BRINP3: variants seen among roughly 807,000 people sequenced by gnomAD.
BRINP3 encodes the protein BMP/retinoic acid-inducible neural-specific protein 3.
Under a neutral mutation model 71.0 loss-of-function variants are expected in BRINP3, and 19 were observed. That is an observed-to-expected ratio of 0.27 (90% CI 0.19 to 0.39). BRINP3 has a LOEUF of 0.39. BRINP3 is among the 10% of genes least tolerant of loss of function. The pLI is 1.00. For missense variants in BRINP3, 959 were observed against 940.8 expected (o/e 1.02, Z -0.25); for synonymous variants, 380 against 337.7 (o/e 1.13, Z -1.37).
chr1:190,405,507 G>T (rs944781848), intron 2 of BRINP3, among the ~76,000 whole-genome samples: 2 of 118,928 alleles, frequency 1.7e-5, no homozygotes, highest in African/African-American at 3.1e-5. Context: ...AATCAGAAGC[G>T]TGACATATCA....
chr1:190,167,935 G>C (rs946069068), intron 6 of BRINP3, among the ~76,000 whole-genome samples: 3 of 152,136 alleles, frequency 2.0e-5, no homozygotes, highest in Non-Finnish European at 4.4e-5. Context: ...TCCGAGTGCT[G>C]TATTGGCATT....
chr1:190,385,558 A>C (rs1035591688), intron 2 of BRINP3, among the ~76,000 whole-genome samples: 5 of 151,866 alleles, frequency 3.3e-5, no homozygotes, highest in African/African-American at 1.2e-4. Flanking sequence ...TTAGAATGGC[A>C]ATCATTAAAA....
chr1:190,178,738 A>G (rs1652776881), intron 6 of BRINP3, among the ~76,000 whole-genome samples: 1 of 152,154 alleles, frequency 6.6e-6, no homozygotes, highest in Non-Finnish European at 1.5e-5. Flanking sequence ...GGCAACCACT[A>G]TAGAGATGAA....
At chr1:190,381,427 T>A (rs2102249011) in intron 2 of BRINP3, among the ~76,000 whole-genome samples, 1 of 152,308 alleles carries the variant, frequency 6.6e-6, no homozygotes, top group African/African-American at 2.4e-5. Context: ...GGAGTAGTAT[T>A]CATATTTTTA....
At chr1:190,369,682 AATAG>A (rs1233281008) in intron 2 of BRINP3, among the ~76,000 whole-genome samples, 1 of 151,802 alleles carries the variant, frequency 6.6e-6, no homozygotes, top group African/African-American at 2.4e-5. Context: ...GTGTTTTTTT[AATAG>A]ATAGAGTATT....
chr1:190,222,326 T>TA (rs1317347279), intron 6 of BRINP3, among the ~76,000 whole-genome samples: 3 of 150,600 alleles, frequency 2.0e-5, no homozygotes, highest in Admixed American at 1.3e-4. Context: ...ATGAGTCAAT[T>TA]AAAAAAATAA....
intron 6 of BRINP3, among the ~76,000 whole-genome samples, chr1:190,221,142 C>T (rs1344875360): frequency 6.6e-5 from 10 of 151,970 alleles, no homozygotes; most frequent in Admixed American, 6.6e-4. Flanking sequence ...CGCTTGAACC[C>T]GGGAGGCAGA....
intron 2 of BRINP3, among the ~76,000 whole-genome samples, chr1:190,343,039 G>A (rs1667770547): frequency 6.6e-6 from 1 of 151,704 alleles, no homozygotes. Flanking sequence ...CTGCGGCATA[G>A]CCATTAAATG....
chr1:190,237,979 C>T (rs1179451671), intron 4 of BRINP3, among the ~76,000 whole-genome samples: 2 of 151,908 alleles, frequency 1.3e-5, no homozygotes, highest in Non-Finnish European at 2.9e-5. Context: ...TTTGCCCATC[C>T]TATATTGTAA....
rs1436967407 is a variant in BRINP3 at position 190,420,609 on chromosome 1, TA to T, written c.236+34045del. 3.3e-5 allele frequency among the ~76,000 whole-genome samples: 5 copies of T among 152,082 alleles called. No individual in the cohort carries two copies. The South Asian group carries it at 1.0e-3, about 32-fold the overall frequency. On this transcript the variant is annotated intron_variant, in intron 2 of 7. Coordinates refer to ENST00000367462, the MANE Select transcript of BRINP3 (RefSeq NM_199051.3). The stretch of plus-strand genomic sequence containing the variant: ...TGTCCATATAACTTTAGTAAAGTGT[TA>T]AGTTTTGAAAACTTTCCGTTTGGAG...
At chr1:190,171,069 T>C (rs1376640416) in intron 6 of BRINP3, among the ~76,000 whole-genome samples, 2 of 152,124 alleles carry the variant, frequency 1.3e-5, no homozygotes, top group Admixed American at 6.6e-5. Flanking sequence ...ATTGAAGCCA[T>C]GTACCCACTG....
At chr1:190,165,460 T>TGTG (rs1553252643) in intron 6 of BRINP3, among the ~76,000 whole-genome samples, 6 of 95,242 alleles carry the variant, frequency 6.3e-5, no homozygotes, top group Admixed American at 1.2e-4. Context: ...TTTTTTTTTT[T>TGTG]TGTGTGTGTG....
At chr1:190,268,883 G>T (rs1167193308) in intron 3 of BRINP3, among the ~76,000 whole-genome samples, 1 of 152,068 alleles carries the variant, frequency 6.6e-6, no homozygotes, top group Non-Finnish European at 1.5e-5. Flanking sequence ...CTTATTAAAT[G>T]ACATGATCGA....
At chr1:190,362,146 A>T (rs539846569) in intron 2 of BRINP3, 66 of 152,320 alleles carry the variant, frequency 4.3e-4, no homozygotes, top group African/African-American at 1.5e-3. Flanking sequence ...CTGGTACCCT[A>T]ATCTCAGACT....
chr1:190,459,797 A>G (rs1676261680), intron 1 of BRINP3, among the ~76,000 whole-genome samples: 1 of 152,072 alleles, frequency 6.6e-6, no homozygotes, highest in African/African-American at 2.4e-5. Flanking sequence ...CCATTGTATC[A>G]AACATATTTA....
intron 6 of BRINP3, among the ~76,000 whole-genome samples, chr1:190,225,748 G>C (rs181080388): frequency 1.1e-3 from 165 of 152,030 alleles, no homozygotes; most frequent in African/African-American, 3.8e-3. Flanking sequence ...TGCTGCACAA[G>C]AGAAAAGCAG....
intron 7 of BRINP3, among the ~76,000 whole-genome samples, chr1:190,131,736 A>G (rs1238036256): frequency 6.6e-6 from 1 of 152,076 alleles, no homozygotes; most frequent in Non-Finnish European, 1.5e-5. Context: ...TTGTGGACTT[A>G]CCCAGCTCTC....
intron 6 of BRINP3, among the ~76,000 whole-genome samples, chr1:190,181,823 C>G (rs993211572): frequency 6.6e-6 from 1 of 151,696 alleles, no homozygotes; most frequent in Non-Finnish European, 1.5e-5. Flanking sequence ...TTTTATTTAC[C>G]CATTTTTGTT....
chr1:190,396,664 A>T (rs1317137778), intron 2 of BRINP3, among the ~76,000 whole-genome samples: 1 of 148,734 alleles, frequency 6.7e-6, no homozygotes, highest in Non-Finnish European at 1.5e-5. Context: ...CATCAAACAG[A>T]GATGCATATG....
Sources: allele counts gnomAD v4.1 joint callset (sites outside exome capture counted in the v4.1 genomes callset), GRCh38; gene constraint gnomAD v4.1.1; transcripts MANE v1.5; gene names NCBI Gene and HGNC (gene_info 2026-07-23, HGNC 2026-07-21).